Variants in FBLN7 observed in about 807,000 individuals in gnomAD.
The protein encoded by FBLN7 is fibulin-7.
FBLN7 carries 31 observed loss-of-function variants against 44.0 expected under a neutral mutation model. The observed-to-expected ratio is 0.70, with a 90% CI of 0.53 to 0.95. The LOEUF is 0.95. FBLN7 is among the 40% of genes least tolerant of loss of function. FBLN7 has a pLI of 0.00. For missense variants in FBLN7, 573 were observed against 618.5 expected, an observed-to-expected ratio of 0.93 and a Z score of 0.78; for synonymous variants, 262 against 253.4, an observed-to-expected ratio of 1.03 and a Z score of -0.32.
At chr2:112,219,526 T>C in the FBLN7 span, among the ~76,000 whole-genome samples, 350 of 152,314 alleles carry the variant, frequency 2.3e-3, 2 homozygotes, top group South Asian at 0.011. Context: ...TTTACAACAT[T>C]ATTTACCCAG....
At chr2:112,236,772 T>C in the FBLN7 span, 2 of 1,298,370 alleles carry the variant, frequency 1.5e-6, no homozygotes, top group Non-Finnish European at 1.1e-6. Context: ...CGGGGCCAGG[T>C]GCAGTGGCTC....
At chr2:112,238,338 T>C in the FBLN7 span, 18 of 1,613,598 alleles carry the variant, frequency 1.1e-5, no homozygotes, top group Non-Finnish European at 1.4e-5. Flanking sequence ...TTTTACTCCT[T>C]CTTTCTTTGT....
chr2:112,239,768 A>G, the FBLN7 span, among the ~76,000 whole-genome samples: 1 of 152,126 alleles, frequency 6.6e-6, no homozygotes. Flanking sequence ...TATTTTTGAT[A>G]GAGACAGGGT....
chr2:112,159,996 TA>T (rs1411062903), intron 2 of FBLN7, among the ~76,000 whole-genome samples, 161 bp downstream of exon 2: 1 of 151,126 alleles, frequency 6.6e-6, no homozygotes, highest in Non-Finnish European at 1.5e-5. Context: ...TTTATTTATT[TA>T]TTTATTTTTT....
Position 112,159,803 on chromosome 2 carries a change from C to CT in FBLN7, c.204dup (p.Val69CysfsTer67), listed in dbSNP as rs1422134742. On this transcript the variant is annotated frameshift_variant, in exon 2 of 8. Transcript: ENST00000331203. LOFTEE classifies it high-confidence loss of function. ...AGCCGGCTGGCCGCGCTGCAGAACT[C>CT]TGTGGGCAGGGTGGGCCCAGATGCC... 1 of 1,582,814 alleles carries CT rather than the reference C, an allele frequency of 6.3e-7. No individual in the cohort carries two copies. Among genetic ancestry groups the CT allele is most frequent in the Middle Eastern group, 1.9e-4 (1 of 5,340 alleles).
At position 112,138,712 on chromosome 2, in the gene FBLN7, C is replaced by T; in HGVS notation, c.57C>T (p.Pro19=). The T allele has an allele frequency of 1.2e-6, 2 of 1,612,918 alleles. No individual in the cohort carries two copies. The highest frequency in any genetic ancestry group is 2.2e-5 in the East Asian group (1 of 44,840). Residue 19 remains proline (P), a synonymous_variant, in exon 1 of 8, where the codon CCC becomes CCT. Coordinates refer to ENST00000331203, the MANE Select transcript of FBLN7 (RefSeq NM_153214.3). ...TTCTGCTCCTGATCCTCGCCTGCCC[C>T]GAGCCGCGGGCTTCCCAGGTCAGTG... The part of the protein sequence containing the change: ...LFLLLLILAC[P]EPRASQNCLS...
chr2:112,153,037 C>A (rs1030093334), intron 1 of FBLN7: 2 of 152,144 alleles, frequency 1.3e-5, no homozygotes, highest in African/African-American at 2.4e-5. Flanking sequence ...TCAGGCAACT[C>A]CCCAAGTGAA....
intron 4 of FBLN7, among the ~76,000 whole-genome samples, chr2:112,180,955 AAAAAG>A (rs958079415): frequency 1.5e-4 from 23 of 151,728 alleles, no homozygotes; most frequent in East Asian, 9.7e-4. Flanking sequence ...ACGAAAGAAA[AAAAAG>A]AAAAGAAAAT....
chr2:112,235,936 T>TA, the FBLN7 span, among the ~76,000 whole-genome samples: 116,117 of 122,634 alleles, frequency 0.95, 55,090 homozygotes, highest in East Asian at 0.99. Context: ...AGTATAACAC[T>TA]AAAAAAAAAA....
At chr2:112,160,788 A>ACG (rs1681800049) in intron 2 of FBLN7, among the ~76,000 whole-genome samples, 1 of 140,900 alleles carries the variant, frequency 7.1e-6, no homozygotes, top group Non-Finnish European at 1.5e-5. Context: ...ACACGCACGC[A>ACG]CACGCACACA....
chr2:112,182,248 A>C (rs1683040519), intron 5 of FBLN7, among the ~76,000 whole-genome samples: 1 of 151,626 alleles, frequency 6.6e-6, no homozygotes, highest in South Asian at 2.1e-4. Context: ...GGGGTGTGGG[A>C]CTCATTCCTT....
In FBLN7 at chr2:112,151,752, C is replaced by T. The variant is rs140213518; in HGVS notation, c.76-7924C>T. The T allele has an allele frequency of 5.9e-5, 9 of 152,284 alleles. No homozygotes were observed. In the South Asian group the frequency reaches 6.2e-4, roughly 11 times the overall value. The allele number at this position is 152,284 out of a possible 1,614,324, so 9.4% of individuals were successfully genotyped here. ...GATGTGAGGAGAAGGCTCATATACC[C>T]GGCTTGTGTACCTAGGAGGGGATTG... On this transcript the variant is annotated intron_variant, in intron 1 of 7. Transcript: ENST00000331203.
At chr2:112,193,969 CT>C in the FBLN7 span, among the ~76,000 whole-genome samples, 1 of 152,232 alleles carries the variant, frequency 6.6e-6, no homozygotes, top group Non-Finnish European at 1.5e-5. Flanking sequence ...CACTTAGTGG[CT>C]TAAAACAATT....
the FBLN7 span, among the ~76,000 whole-genome samples, chr2:112,227,381 C>T: frequency 4.8e-4 from 73 of 152,208 alleles, no homozygotes; most frequent in African/African-American, 1.5e-3. Flanking sequence ...AAAAATTAGC[C>T]GGGCGTGGTG....
chr2:112,178,265 A>AAAC lies in FBLN7; in HGVS notation c.532+2428_532+2429insCAA, dbSNP rs1232399780. On this transcript the variant is annotated intron_variant, in intron 4 of 7. Coordinates refer to ENST00000331203, the MANE Select transcript of FBLN7 (RefSeq NM_153214.3). ...GAAAAGTACAAGAAATACAAAAAAA[A>AAAC]AAACCAAAAGAAAACAAACAAAAAA... 7.0e-4 allele frequency among the ~76,000 whole-genome samples: 107 copies of AAAC among 151,806 alleles called. 1 individual carries two copies. Among genetic ancestry groups the AAAC allele is most frequent in the African/African-American group, 2.3e-3 (97 of 41,490 alleles).
downstream of FBLN7, among the ~76,000 whole-genome samples, chr2:112,191,285 C>T (rs1033061639): frequency 6.6e-6 from 1 of 152,154 alleles, no homozygotes; most frequent in African/African-American, 2.4e-5. Context: ...AAGTGATTCT[C>T]ATGCCTCAGC....
chr2:112,204,450 A>G, the FBLN7 span, among the ~76,000 whole-genome samples: 1 of 152,134 alleles, frequency 6.6e-6, no homozygotes, highest in African/African-American at 2.4e-5. Flanking sequence ...ACTAATATGC[A>G]CATCCGAGAA....
At chr2:112,166,768 G>C (rs551818303) in intron 3 of FBLN7, among the ~76,000 whole-genome samples, 1 of 152,264 alleles carries the variant, frequency 6.6e-6, no homozygotes, top group Admixed American at 6.5e-5. Context: ...ACAGACCCTG[G>C]TTGGTTTCCT....
chr2:112,201,885 G>C, the FBLN7 span, among the ~76,000 whole-genome samples: 1 of 152,200 alleles, frequency 6.6e-6, no homozygotes, highest in Non-Finnish European at 1.5e-5. Flanking sequence ...TACAGTCTGT[G>C]GGCATATGGA....
Sources: gnomAD v4.1 joint callset for allele counts (sites outside exome capture counted in the v4.1 genomes callset) on GRCh38, gnomAD v4.1.1 for gene constraint, MANE v1.5 for transcripts, NCBI Gene and HGNC (gene_info 2026-07-23, HGNC 2026-07-21) for gene names.